The following TBC1D20 variants were observed in gnomAD, a reference collection of about 807,000 sequenced individuals.
TBC1D20 encodes the protein chromosome 20 open reading frame 140.
A neutral mutation model predicts 41.6 loss-of-function variants in TBC1D20; 12 were observed. The ratio of observed to expected loss-of-function variants is 0.29; its 90% CI spans 0.18 to 0.47. The LOEUF is 0.47. Ranked by LOEUF, TBC1D20 falls within the 20% of genes least tolerant of loss-of-function variation. The probability of loss-of-function intolerance (pLI) is 1.00; values close to 1 mark genes in which losing one functional copy is unlikely to be tolerated. For missense variants in TBC1D20, 421 were observed against 517.4 expected (o/e 0.81, Z 1.81); for synonymous variants, 205 against 204.8 (o/e 1.00, Z -0.01).
chr20:454,165 C>T (rs1421358564), intron 1 of TBC1D20, among the ~76,000 whole-genome samples: 1 of 150,176 alleles, frequency 6.7e-6, no homozygotes, highest in Non-Finnish European at 1.5e-5. Context: ...ATGAGGTGAA[C>T]CTGGGAGGCG....
At chr20:444,481 A>C (rs1433406296) in intron 3 of TBC1D20, among the ~76,000 whole-genome samples, 1 of 151,402 alleles carries the variant, frequency 6.6e-6, no homozygotes, top group Non-Finnish European at 1.5e-5. Context: ...CTTCACTGTG[A>C]AAATTGAGAC....
chr20:457,828 G>A (rs1222382433), intron 1 of TBC1D20, among the ~76,000 whole-genome samples: 3 of 152,320 alleles, frequency 2.0e-5, no homozygotes, highest in East Asian at 1.9e-4. Context: ...CAGGCTGTAC[G>A]TTTTCAAGAG....
intron 1 of TBC1D20, among the ~76,000 whole-genome samples, chr20:449,697 A>C (rs545341770): frequency 2.3e-4 from 35 of 152,326 alleles, no homozygotes; most frequent in Admixed American, 5.2e-4. Context: ...TGGACAGATG[A>C]CTTCCCTGCT....
At position 439,460 on chromosome 20, in the gene TBC1D20, C is replaced by T. The variant is rs139303096; in HGVS notation, c.769-165G>A. ...CATCAAGGAAGTAATAACATATATA[C>T]GCTCAGTGCTACTCCTACTCTCTGG... On this transcript the variant is annotated intron_variant, in intron 6 of 7. Transcript: ENST00000354200. This position sits in a 1 kb window ranked among gnomAD's most constrained non-coding sequence, Gnocchi z 4.6. Among the ~76,000 whole-genome samples, 184 of 152,286 alleles carry T rather than the reference C, an allele frequency of 1.2e-3. No individual in the cohort carries two copies. The highest frequency in any genetic ancestry group is 3.4e-3 in the African/African-American group (143 of 41,554).
intron 2 of TBC1D20, among the ~76,000 whole-genome samples, chr20:445,605 G>C (rs2017317260): frequency 6.6e-6 from 1 of 152,184 alleles, no homozygotes; most frequent in Non-Finnish European, 1.5e-5. Context: ...CTCACATAAA[G>C]AACCACCTAA....
intron 7 of TBC1D20, 120 bp from the exon 8 acceptor site, chr20:438,961 A>G: frequency 6.8e-7 from 1 of 1,470,226 alleles, no homozygotes; most frequent in South Asian, 1.3e-5. Context: ...TATGATAAAG[A>G]CCCATATGTC....
chr20:454,927 C>T (rs2017516067), intron 1 of TBC1D20, among the ~76,000 whole-genome samples: 2 of 152,146 alleles, frequency 1.3e-5, no homozygotes, highest in East Asian at 1.9e-4. Flanking sequence ...CTGCCTCAGG[C>T]TCCCAAAGTG....
chr20:447,804 G>T, intron 2 of TBC1D20, 85 bp downstream of exon 2: 3 of 1,228,266 alleles, frequency 2.4e-6, no homozygotes, highest in East Asian at 2.5e-5. Context: ...TGGTTTGAAA[G>T]GACCATAAAA....
intron 2 of TBC1D20, 149 bp from the exon 3 acceptor site, chr20:445,279 G>T: frequency 1.6e-6 from 1 of 644,348 alleles, no homozygotes; most frequent in Non-Finnish European, 2.8e-6. Flanking sequence ...ATTTGGCAGG[G>T]AATCCCTAGT....
chr20:456,305 A>T (rs139803592), intron 1 of TBC1D20, among the ~76,000 whole-genome samples: 213 of 152,216 alleles, frequency 1.4e-3, no homozygotes, highest in African/African-American at 4.8e-3. Context: ...ATTGTTCATG[A>T]GATGTGTCAA....
intron 1 of TBC1D20, among the ~76,000 whole-genome samples, chr20:457,885 G>A (rs1191421815): frequency 3.3e-5 from 5 of 152,152 alleles, no homozygotes; most frequent in Admixed American, 1.3e-4. Context: ...ATATAACATC[G>A]GTGGAGGCAA....
At chr20:449,452 A>G (rs1001330451) in intron 1 of TBC1D20, among the ~76,000 whole-genome samples, 1 of 151,394 alleles carries the variant, frequency 6.6e-6, no homozygotes. Context: ...AAAATTAGCC[A>G]GGCGTGGTGG....
Position 445,118 on chromosome 20 carries a change from C to T in TBC1D20, c.269G>A (p.Arg90Gln), listed in dbSNP as rs139066924. Residue 90 changes from arginine (R) to glutamine (Q), a missense_variant, in exon 3 of 8, where the codon CGG (arginine) becomes CAG (glutamine). Transcript: ENST00000354200. ...DPPPISGKNL[R>Q]QMSKDYQQVL... Reference sequence around the variant, plus strand: ...TTGTTGGTAGTCCTTGCTCATCTGCCGTAGGTTCTTCCCTATTGAAGGAAA... The same window carrying T: ...TTGTTGGTAGTCCTTGCTCATCTGCTGTAGGTTCTTCCCTATTGAAGGAAA... 11 of 1,597,312 alleles carry T rather than the reference C, an allele frequency of 6.9e-6. No homozygotes were observed. The highest frequency in any genetic ancestry group is 2.2e-5 in the South Asian group (2 of 88,994).
intron 3 of TBC1D20, among the ~76,000 whole-genome samples, chr20:443,664 G>C (rs1000866642): frequency 3.9e-5 from 6 of 152,146 alleles, no homozygotes; most frequent in African/African-American, 1.2e-4. Context: ...AGGAGTGAGA[G>C]TAAAAATTAA....
At chr20:441,359 A>C (rs2017226143) in intron 5 of TBC1D20, 2 of 531,472 alleles carry the variant, frequency 3.8e-6, no homozygotes, top group Non-Finnish European at 6.7e-6. Context: ...ACCTCTCCCC[A>C]CTAGATGTAA....
At chr20:450,428 G>T (rs966765818) in intron 1 of TBC1D20, among the ~76,000 whole-genome samples, 3 of 152,034 alleles carry the variant, frequency 2.0e-5, no homozygotes, top group Admixed American at 6.6e-5. Context: ...TTACAAGCGT[G>T]AGCCACCACG....
At chr20:446,974 G>T (rs2017345171) in intron 2 of TBC1D20, among the ~76,000 whole-genome samples, 1 of 132,060 alleles carries the variant, frequency 7.6e-6, no homozygotes, top group African/African-American at 2.9e-5. Context: ...TTTTGAGACG[G>T]AGTCTCACTC....
chr20:454,807 G>T (rs1055812888), intron 1 of TBC1D20, among the ~76,000 whole-genome samples: 1 of 151,996 alleles, frequency 6.6e-6, no homozygotes, highest in Admixed American at 6.6e-5. Flanking sequence ...AGGTAGCCAG[G>T]ATTACAGGCG....
Position 440,239 on chromosome 20 carries a change from T to G in TBC1D20, c.768+9A>C, listed in dbSNP as rs548556936. Reference sequence around the variant, plus strand: ...TGAACCCAGCTGCTGGCTCGTGGCCTGTACCTACCACGGCTGCAAAGTAAA... The same window carrying G: ...TGAACCCAGCTGCTGGCTCGTGGCCGGTACCTACCACGGCTGCAAAGTAAA... On this transcript the variant is annotated intron_variant, in intron 6 of 7. Transcript: ENST00000354200. 3.4e-5 allele frequency: 55 copies of G among 1,609,892 alleles called. No homozygotes were observed. The highest frequency in any genetic ancestry group is 3.1e-4 in the South Asian group (28 of 90,528).
Sources: gnomAD v4.1 joint callset for allele counts (sites outside exome capture counted in the v4.1 genomes callset) on GRCh38, gnomAD v4.1.1 for gene constraint, Gnocchi (gnomAD v3.1) non-coding constraint, MANE v1.5 for transcripts, NCBI Gene and HGNC (gene_info 2026-07-23, HGNC 2026-07-21) for gene names.